PTPN14: variants seen among roughly 807,000 people sequenced by gnomAD.
The protein encoded by PTPN14 is tyrosine-protein phosphatase non-receptor type 14.
PTPN14 carries 53 observed loss-of-function variants against 126.8 expected under a neutral mutation model. The ratio of observed to expected loss-of-function variants is 0.42; its 90% CI spans 0.34 to 0.53. The LOEUF (loss-of-function observed/expected upper bound fraction) is 0.53. Ranked by LOEUF, PTPN14 falls within the 20% of genes least tolerant of loss-of-function variation. PTPN14 has a pLI of 0.08. For missense variants in PTPN14, 1,257 were observed against 1,552.9 expected, an observed-to-expected ratio of 0.81 and a Z score of 3.20; for synonymous variants, 630 against 599.3, an observed-to-expected ratio of 1.05 and a Z score of -0.75.
chr1:214,508,997 G>A (rs1323426755), intron 1 of PTPN14, among the ~76,000 whole-genome samples: 1 of 152,180 alleles, frequency 6.6e-6, no homozygotes, highest in Non-Finnish European at 1.5e-5. Context: ...TATCATCCAG[G>A]CTTTGTTGTT....
intron 2 of PTPN14, among the ~76,000 whole-genome samples, chr1:214,454,922 C>T (rs1025707467): frequency 6.6e-6 from 1 of 151,070 alleles, no homozygotes; most frequent in African/African-American, 2.5e-5. Flanking sequence ...AACTTTAGAA[C>T]TGTCAAATTC....
At chr1:214,417,337 C>T (rs370281255) in intron 3 of PTPN14, among the ~76,000 whole-genome samples, 1 of 152,050 alleles carries the variant, frequency 6.6e-6, no homozygotes, top group African/African-American at 2.4e-5. Flanking sequence ...ATAAAAAAGG[C>T]GTCCTAATAA....
At chr1:214,402,815 A>T in intron 6 of PTPN14, 68 bp downstream of exon 6, 1 of 1,540,836 alleles carries the variant, frequency 6.5e-7, no homozygotes, top group Non-Finnish European at 8.9e-7. Flanking sequence ...AGGGAGATGG[A>T]TGCCTCCTGC....
At chr1:214,372,567 G>A in intron 16 of PTPN14, 144 bp downstream of exon 16, 7 of 1,188,462 alleles carry the variant, frequency 5.9e-6, no homozygotes, top group Non-Finnish European at 8.5e-6. Flanking sequence ...TAAGAAAACA[G>A]ATGTATACCA....
chr1:214,387,406 C>T (rs1045445704), intron 11 of PTPN14, among the ~76,000 whole-genome samples: 5 of 151,998 alleles, frequency 3.3e-5, no homozygotes, highest in South Asian at 2.1e-4. Context: ...GAGCTACTCG[C>T]GAGCTGAGGC....
chr1:214,520,064 AAATAT>A (rs1383647069), intron 1 of PTPN14, among the ~76,000 whole-genome samples: 3 of 103,230 alleles, frequency 2.9e-5, no homozygotes, highest in African/African-American at 1.3e-4. Context: ...AAAAAAAAAA[AAATAT>A]ATATATATAT....
chr1:214,356,552 T>C lies in PTPN14; in HGVS notation c.*1370A>G, dbSNP rs1394731785. The C allele has an allele frequency of 1.3e-5, 2 of 152,222 alleles. No homozygotes were observed. The highest frequency in any genetic ancestry group is 2.9e-5 in the Non-Finnish European group (2 of 68,046). The allele number at this position is 152,222 out of a possible 1,614,324, so 9.4% of individuals were successfully genotyped here. A position where few individuals can be genotyped will look rare whatever the true frequency, so the allele number is the denominator to read the frequency against. On this transcript the variant is annotated 3_prime_UTR_variant, in exon 19 of 19. Coordinates refer to ENST00000366956, the MANE Select transcript of PTPN14 (RefSeq NM_005401.5). ...CATCCTTGGAAATTCAGAAGGACAC[T>C]GACCAATGAAGCCATAGGAAGAAAC...
chr1:214,368,618 T>C (rs1168924380), intron 17 of PTPN14, among the ~76,000 whole-genome samples: 1 of 152,184 alleles, frequency 6.6e-6, no homozygotes, highest in Admixed American at 6.5e-5. Context: ...ATAGTCATAG[T>C]TGTGCAACCA....
intron 9 of PTPN14, among the ~76,000 whole-genome samples, chr1:214,394,485 G>A (rs1259231135): frequency 1.1e-4 from 16 of 152,182 alleles, no homozygotes; most frequent in Non-Finnish European, 1.5e-5. Flanking sequence ...TTGGCTCATT[G>A]CAACCTCTGC....
chr1:214,398,826 C>T (rs1658949247), intron 7 of PTPN14, among the ~76,000 whole-genome samples: 4 of 150,764 alleles, frequency 2.7e-5, no homozygotes, highest in Admixed American at 2.6e-4. Flanking sequence ...GGTGCAGTGG[C>T]GTGATCCCGG....
intron 1 of PTPN14, among the ~76,000 whole-genome samples, chr1:214,493,882 C>A (rs1661303123): frequency 6.6e-6 from 1 of 152,094 alleles, no homozygotes; most frequent in African/African-American, 2.4e-5. Context: ...TGCACCTGTA[C>A]CCCAGAACTT....
chr1:214,389,793 G>A (rs1658707937), intron 11 of PTPN14, among the ~76,000 whole-genome samples: 1 of 152,132 alleles, frequency 6.6e-6, no homozygotes, highest in African/African-American at 2.4e-5. Context: ...CTAAAGAAGG[G>A]AAAAGGAAGA....
At chr1:214,453,645 T>C (rs960352906) in intron 2 of PTPN14, among the ~76,000 whole-genome samples, 1 of 152,002 alleles carries the variant, frequency 6.6e-6, no homozygotes. Flanking sequence ...ACCACCACCA[T>C]CGCCACCACC....
intron 1 of PTPN14, among the ~76,000 whole-genome samples, chr1:214,517,963 T>C (rs1655150631): frequency 6.6e-6 from 1 of 151,734 alleles, no homozygotes. Flanking sequence ...AAATAAAATA[T>C]AGAAAGCTTA....
chr1:214,387,687 A>G (rs1363031284), intron 11 of PTPN14, among the ~76,000 whole-genome samples: 2 of 151,772 alleles, frequency 1.3e-5, no homozygotes, highest in African/African-American at 4.8e-5. Flanking sequence ...AAAAAAAAAA[A>G]AAAAGAAAGA....
chr1:214,381,970 T>C (rs1190886977), intron 13 of PTPN14, among the ~76,000 whole-genome samples: 1 of 152,126 alleles, frequency 6.6e-6, no homozygotes, highest in African/African-American at 2.4e-5. Flanking sequence ...AGTGGTGCCA[T>C]CTCGGCTCAC....
chr1:214,493,130 G>T (rs570825746), intron 1 of PTPN14, among the ~76,000 whole-genome samples: 9 of 152,258 alleles, frequency 5.9e-5, no homozygotes, highest in African/African-American at 2.2e-4. Flanking sequence ...GCCCAAATTG[G>T]GCTGGCTGCA....
In PTPN14 at chr1:214,364,775, G is replaced by T; in HGVS notation, c.3272-100C>A. 2 of 679,216 alleles carry T rather than the reference G, an allele frequency of 2.9e-6. No homozygotes were observed. The highest frequency in any genetic ancestry group is 4.7e-6 in the Non-Finnish European group (2 of 423,156). 42.1% of individuals were successfully genotyped at this position (679,216 alleles called of 1,614,324 possible). ...AAGAGAACTGATGGTGAGTGTGTGT[G>T]TGTGTGTGTGTGTGTGTGTGTGTGT... On this transcript the variant is annotated intron_variant, in intron 17 of 18. Transcript: ENST00000366956. The surrounding 1 kb of genome is among the most constrained non-coding windows in gnomAD (Gnocchi z 4.1).
intron 1 of PTPN14, among the ~76,000 whole-genome samples, chr1:214,546,395 CA>C (rs1418354478): frequency 6.6e-6 from 1 of 152,092 alleles, no homozygotes; most frequent in Non-Finnish European, 1.5e-5. Flanking sequence ...TCCAAAGACA[CA>C]AGGAAATTAA....
Sources: allele counts gnomAD v4.1 joint callset (sites outside exome capture counted in the v4.1 genomes callset), GRCh38; gene constraint gnomAD v4.1.1; non-coding constraint Gnocchi (gnomAD v3.1); transcripts MANE v1.5; gene names NCBI Gene and HGNC (gene_info 2026-07-23, HGNC 2026-07-21).